Variants in NUP153 observed in about 807,000 individuals in gnomAD.
NUP153 encodes nucleoporin 153.
In NUP153, 27 loss-of-function variants were observed where a neutral mutation model predicts 134.6. That is an observed-to-expected ratio of 0.20 (90% confidence interval 0.15 to 0.28). NUP153 has a LOEUF of 0.28. Among genes scored for constraint, NUP153 ranks in the 10% least tolerant of loss-of-function variants. The pLI is 1.00. For synonymous variants in NUP153, 640 were observed against 623.5 expected (o/e 1.03, Z -0.40); for missense variants, 1,821 against 1,731.3 (o/e 1.05, Z -0.92).
intron 10 of NUP153, 42 bp from the exon 11 acceptor site, chr6:17,661,821 G>A: frequency 1.3e-6 from 2 of 1,585,200 alleles, no homozygotes; most frequent in Non-Finnish European, 1.7e-6. Context: ...ATATATTATT[G>A]TGGTCCATAA....
intron 20 of NUP153, among the ~76,000 whole-genome samples, chr6:17,622,088 C>T (rs1764672996): frequency 6.6e-6 from 1 of 152,108 alleles, no homozygotes; most frequent in Admixed American, 6.5e-5. Flanking sequence ...GACTTTGTAG[C>T]ATGGCTTTTC....
At chr6:17,669,165 G>A (rs912751809) in intron 7 of NUP153, 128 bp downstream of exon 7, 7 of 1,024,484 alleles carry the variant, frequency 6.8e-6, no homozygotes, top group Non-Finnish European at 1.0e-5. Context: ...TGCAACCTCT[G>A]CCTCCCAAGT....
At chr6:17,667,598 C>T (rs557680674) in intron 8 of NUP153, among the ~76,000 whole-genome samples, 4 of 152,244 alleles carry the variant, frequency 2.6e-5, no homozygotes, top group Non-Finnish European at 5.9e-5. Context: ...CCTGTAGTCC[C>T]AGCTACCTGC....
intron 1 of NUP153, among the ~76,000 whole-genome samples, chr6:17,701,312 G>T (rs914845176): frequency 1.3e-5 from 2 of 151,792 alleles, no homozygotes; most frequent in Non-Finnish European, 2.9e-5. Context: ...GCCAGACCAC[G>T]CAGTGAGGAG....
rs539140345 is a variant in NUP153 at position 17,628,037 on chromosome 6, T to A, written c.3544+618A>T. Among the ~76,000 whole-genome samples, 15 of 152,316 alleles carry A rather than the reference T, an allele frequency of 9.8e-5. No individual in the cohort carries two copies. The East Asian group carries it at 2.1e-3, about 22-fold the overall frequency. On this transcript the variant is annotated intron_variant, in intron 18 of 21. Coordinates refer to ENST00000262077, the MANE Select transcript of NUP153 (RefSeq NM_005124.4). The surrounding 1 kb of genome is among the most constrained non-coding windows in gnomAD (Gnocchi z 5.4). ...CACTCTTTGTACTGGTGCACTAAGTTTGGGGAAATTCTAGTTCACTAATCT... is the reference window on the plus strand; with the variant it reads ...CACTCTTTGTACTGGTGCACTAAGTATGGGGAAATTCTAGTTCACTAATCT...
Position 17,647,899 on chromosome 6 carries a change from T to C in NUP153, c.1540A>G (p.Met514Val), listed in dbSNP as rs1437613446. The change falls in exon 13 of 22, where the codon ATG becomes GTG. Residue 514 changes from methionine to valine, a missense_variant. Physicochemically the swap from Met to Val is conservative, Grantham distance 21 (BLOSUM62 1). Transcript: ENST00000262077. Reference protein sequence around the residue: ...SSQALTNKVQMTSPSSTGSPM... With the variant: ...SSQALTNKVQVTSPSSTGSPM... ...CTGCCAGTGCTGCTCGGAGAGGTCA[T>C]TTGTACCTGGTTTTCCAAATTATTA... 6 of 1,605,212 alleles carry C rather than the reference T, an allele frequency of 3.7e-6. No individual in the cohort carries two copies. The highest frequency in any genetic ancestry group is 5.1e-6 in the Non-Finnish European group (6 of 1,174,968).
intron 2 of NUP153, among the ~76,000 whole-genome samples, chr6:17,687,393 T>A (rs1768998070): frequency 6.6e-6 from 1 of 152,138 alleles, no homozygotes; most frequent in Admixed American, 6.5e-5. Context: ...AGCTTAGAGA[T>A]CTACCAGATA....
At chr6:17,685,429 G>GT (rs1768862505) in intron 2 of NUP153, among the ~76,000 whole-genome samples, 3 of 151,894 alleles carry the variant, frequency 2.0e-5, no homozygotes, top group Admixed American at 2.0e-4. Context: ...GGCACCTGCA[G>GT]TCCCAGCTAC....
rs565700920 is a variant in NUP153 at position 17,671,449 on chromosome 6, G to A, written c.853-1903C>T. The stretch of plus-strand genomic sequence containing the variant: ...ATCTGAGCCTGAAGCTTCTTTGCTG[G>A]AACGTATTTTAAATTATGAACTCAA... On this transcript the variant is annotated intron_variant, in intron 5 of 21. Transcript: ENST00000262077. 3.3e-5 allele frequency among the ~76,000 whole-genome samples: 5 copies of A among 152,180 alleles called. No homozygotes were observed. In the East Asian group the frequency reaches 9.6e-4, roughly 29 times the overall value.
At chr6:17,690,276 CG>C (rs993797182) in intron 1 of NUP153, among the ~76,000 whole-genome samples, 2 of 151,968 alleles carry the variant, frequency 1.3e-5, no homozygotes, top group East Asian at 3.9e-4. Flanking sequence ...GGCGTGAACC[CG>C]GGTGGCGTAG....
intron 5 of NUP153, among the ~76,000 whole-genome samples, chr6:17,672,816 AT>A (rs1294167440): frequency 6.6e-6 from 1 of 152,102 alleles, no homozygotes; most frequent in African/African-American, 2.4e-5. Context: ...CCTACCTTTC[AT>A]TTTTTAAAAA....
rs1414288833 is a variant in NUP153, at chr6:17,637,589, G to A, written c.2028C>T (p.Asn676=). 5 of 1,614,084 alleles carry A rather than the reference G, an allele frequency of 3.1e-6. No homozygotes were observed. The highest frequency in any genetic ancestry group is 4.2e-6 in the Non-Finnish European group (5 of 1,180,020). The part of the protein sequence containing the change: ...TCLLQNKVTD[N]KCIACQAAKL... ...TTGCTGCTTGACAGGCTATGCATTT[G>A]TTGTCTGTAACTTTGTTCTGGAGTA... Residue 676 remains asparagine, a synonymous_variant, in exon 16 of 22, where the codon AAC becomes AAT. Transcript: ENST00000262077.
At chr6:17,616,367 A>G (rs1205879237) in intron 21 of NUP153, among the ~76,000 whole-genome samples, 160 bp downstream of exon 21, 1 of 152,180 alleles carries the variant, frequency 6.6e-6, no homozygotes, top group African/African-American at 2.4e-5. Flanking sequence ...TCAAACTGTA[A>G]TATAATCCTC....
intron 11 of NUP153, among the ~76,000 whole-genome samples, chr6:17,660,014 T>G (rs886162250): frequency 7.2e-5 from 11 of 152,220 alleles, no homozygotes; most frequent in Middle Eastern, 3.4e-3. Context: ...TCTACTAACA[T>G]AATCCCAAAG....
intron 20 of NUP153, among the ~76,000 whole-genome samples, chr6:17,622,748 G>A (rs1394150910): frequency 6.6e-6 from 1 of 151,980 alleles, no homozygotes. Flanking sequence ...TTTTGTATAG[G>A]ATAGAAAGTT....
intron 16 of NUP153, among the ~76,000 whole-genome samples, chr6:17,635,104 C>CTTTTTTTTT (rs59700511): frequency 1.9e-5 from 2 of 104,262 alleles, no homozygotes; most frequent in Non-Finnish European, 3.6e-5. Context: ...CTTGGCTTAT[C>CTTTTTTTTT]TTTTTTTTTT....
chr6:17,670,924 C>A (rs1023564314), intron 5 of NUP153, among the ~76,000 whole-genome samples: 6 of 152,078 alleles, frequency 3.9e-5, no homozygotes, highest in Non-Finnish European at 7.4e-5. Flanking sequence ...GATTCTCCTG[C>A]CTCAGCCTCC....
rs149312629 is a variant in NUP153 at position 17,637,662 on chromosome 6, A to G, written c.1955T>C (p.Phe652Ser). 2 of 1,613,622 alleles carry G rather than the reference A, an allele frequency of 1.2e-6. No individual in the cohort carries two copies. The highest frequency in any genetic ancestry group is 3.3e-4 in the Middle Eastern group (2 of 6,062). ...ISSFSSSGIG[F>S]GESLKAGSSW... Reference sequence around the variant, plus strand: ...TGACCCAGCTTTTAAACTCTCCCCAAACCCAATTCCACTAGAAGAAAAGCT... The same window carrying G: ...TGACCCAGCTTTTAAACTCTCCCCAGACCCAATTCCACTAGAAGAAAAGCT... Residue 652 changes from phenylalanine to serine, a missense_variant, in exon 16 of 22, where the codon TTT (phenylalanine) becomes TCT (serine). Physicochemically the swap from Phe to Ser is radical, Grantham distance 155 (BLOSUM62 -2). Transcript: ENST00000262077.
At chr6:17,643,435 G>A (rs1295945184) in intron 14 of NUP153, among the ~76,000 whole-genome samples, 2 of 152,214 alleles carry the variant, frequency 1.3e-5, no homozygotes, top group African/African-American at 4.8e-5. Context: ...TTGTGCAACT[G>A]CACTCCAGCC....
Sources: allele counts gnomAD v4.1 joint callset (sites outside exome capture counted in the v4.1 genomes callset), GRCh38; gene constraint gnomAD v4.1.1; non-coding constraint Gnocchi (gnomAD v3.1); transcripts MANE v1.5; gene names NCBI Gene and HGNC (gene_info 2026-07-23, HGNC 2026-07-21).